The following GALNTL6 variants were observed in gnomAD, a reference collection of about 807,000 sequenced individuals.
The protein encoded by GALNTL6 is polypeptide N-acetylgalactosaminyltransferase like 6.
In GALNTL6, 46 loss-of-function variants were observed where a neutral mutation model predicts 73.7. That is an observed-to-expected ratio of 0.62 (90% CI 0.49 to 0.80). The LOEUF (loss-of-function observed/expected upper bound fraction) is 0.80. Among genes scored for constraint, GALNTL6 ranks in the 30% least tolerant of loss-of-function variants. The pLI is 0.00. For missense variants in GALNTL6, 604 were observed against 755.0 expected, an observed-to-expected ratio of 0.80 and a Z score of 2.34; for synonymous variants, 259 against 263.7, an observed-to-expected ratio of 0.98 and a Z score of 0.17.
At chr4:172,197,691 AG>A (rs1735817473) in intron 2 of GALNTL6, among the ~76,000 whole-genome samples, 1 of 152,210 alleles carries the variant, frequency 6.6e-6, no homozygotes, top group African/African-American at 2.4e-5. Context: ...AATGAGGAAA[AG>A]TTTCTCTATT....
chr4:172,973,112 G>T (rs750329596), intron 10 of GALNTL6, among the ~76,000 whole-genome samples: 13 of 152,146 alleles, frequency 8.5e-5, no homozygotes, highest in Admixed American at 3.3e-4. Flanking sequence ...TCAACATTTT[G>T]CAATTCCTGA....
Position 172,121,257 on chromosome 4 carries a change from T to TTGTGTGTGTGTG in GALNTL6, c.139-108371_139-108360dup, listed in dbSNP as rs375731048. Among the ~76,000 whole-genome samples, 1,007 of 142,452 alleles carry TTGTGTGTGTGTG rather than the reference T, an allele frequency of 7.1e-3. 13 individuals carry two copies. The highest frequency in any genetic ancestry group is 0.019 in the South Asian group (79 of 4,102). 93.5% of individuals were successfully genotyped at this position (142,452 alleles called of 152,430 possible). On this transcript the variant is annotated intron_variant, in intron 2 of 12. Coordinates refer to ENST00000506823, the MANE Select transcript of GALNTL6 (RefSeq NM_001034845.3). ...GCTTGGCAGATGTTCTCAAGAAGCA[T>TTGTGTGTGTGTG]TGTGTGTGTGTGTGTGTGTGTGTGT...
intron 7 of GALNTL6, among the ~76,000 whole-genome samples, chr4:172,873,164 A>G (rs1745031544): frequency 6.6e-6 from 1 of 152,220 alleles, no homozygotes; most frequent in South Asian, 2.1e-4. Flanking sequence ...GAATCTTTAT[A>G]CAAAATTTTG....
At chr4:172,156,548 T>TATACTATATATATATATATATATATATA in intron 2 of GALNTL6, among the ~76,000 whole-genome samples, 2 of 64,526 alleles carry the variant, frequency 3.1e-5, no homozygotes, top group Middle Eastern at 0.013. Context: ...ATAATATATA[T>TATACTATATATATATATATATATATATA]ATATATATAT....
chr4:172,839,275 T>G (rs974787242), intron 7 of GALNTL6, among the ~76,000 whole-genome samples: 4 of 152,178 alleles, frequency 2.6e-5, no homozygotes, highest in African/African-American at 9.7e-5. Context: ...ATGTAAATAT[T>G]GAAGACTGAG....
At chr4:172,348,106 A>C (rs1741812907) in intron 4 of GALNTL6, among the ~76,000 whole-genome samples, 1 of 152,220 alleles carries the variant, frequency 6.6e-6, no homozygotes, top group African/African-American at 2.4e-5. Flanking sequence ...AAAACTGACT[A>C]ATTAAACATA....
At chr4:172,481,274 T>C (rs1733456539) in intron 5 of GALNTL6, among the ~76,000 whole-genome samples, 1 of 151,906 alleles carries the variant, frequency 6.6e-6, no homozygotes, top group South Asian at 2.1e-4. Flanking sequence ...GGTGGGTTTG[T>C]GGTCTCGCAG....
intron 10 of GALNTL6, among the ~76,000 whole-genome samples, chr4:172,953,702 A>C (rs1749573517): frequency 6.6e-6 from 1 of 152,198 alleles, no homozygotes; most frequent in South Asian, 2.1e-4. Flanking sequence ...TGAAGGAAAG[A>C]GTCAATCCTG....
chr4:172,507,388 T>C lies in GALNTL6; in HGVS notation c.553+158699T>C, dbSNP rs578195799. Among the ~76,000 whole-genome samples, 143 of 54,160 alleles carry C rather than the reference T, an allele frequency of 2.6e-3. 57 individuals carry two copies. The highest frequency in any genetic ancestry group is 6.2e-3 in the African/African-American group (134 of 21,594). The allele number at this position is 54,160 out of a possible 152,430, so 35.5% of individuals were successfully genotyped here. A position where few individuals can be genotyped will look rare whatever the true frequency, so the allele number is the denominator to read the frequency against. On this transcript the variant is annotated intron_variant, in intron 5 of 12. Transcript: ENST00000506823. ...GGCTAGCCTTTGGGAAGAATGAGAC[T>C]GGGAGGCAGAAGGGCAGAAGAAGGT...
rs879390398 is a variant in GALNTL6, at chr4:172,382,277, C to CT, written c.553+33601dup. On this transcript the variant is annotated intron_variant, in intron 5 of 12. Transcript: ENST00000506823. ...AGCCACCACGCCCAGCCAATATTGTCTTTTTTTTTTTTTAAGTTTGGTTAT... is the reference window on the plus strand; with the variant it reads ...AGCCACCACGCCCAGCCAATATTGTCTTTTTTTTTTTTTTAAGTTTGGTTAT... Among the ~76,000 whole-genome samples the CT allele has an allele frequency of 1.5e-3, 218 of 142,188 alleles. 1 individual carries two copies. Among genetic ancestry groups the CT allele is most frequent in the East Asian group, 5.5e-3 (27 of 4,878 alleles). 93.3% of individuals were successfully genotyped at this position (142,188 alleles called of 152,430 possible). A position where few individuals can be genotyped will look rare whatever the true frequency, so the allele number is the denominator to read the frequency against.
intron 12 of GALNTL6, among the ~76,000 whole-genome samples, chr4:173,022,090 A>AGAAGGAAAGAAGGAAGGAAGGAAAGAAG (rs1753028564): frequency 1.5e-5 from 1 of 66,204 alleles, no homozygotes; most frequent in African/African-American, 6.4e-5. Context: ...AAGGAAGGAA[A>AGAAGGAAAGAAGGAAGGAAGGAAAGAAG]GAAGGAAGGA....
intron 2 of GALNTL6, among the ~76,000 whole-genome samples, chr4:171,927,275 G>A (rs533409723): frequency 6.6e-6 from 1 of 152,098 alleles, no homozygotes; most frequent in Admixed American, 6.5e-5. Context: ...AAATTATATT[G>A]TTGGTGCTTT....
At chr4:172,916,757 C>T (rs1031739270) in intron 8 of GALNTL6, among the ~76,000 whole-genome samples, 3 of 146,408 alleles carry the variant, frequency 2.0e-5, no homozygotes, top group African/African-American at 7.8e-5. Context: ...AGGACACAAA[C>T]AAATGGAAGA....
At chr4:172,113,879 C>A (rs970256546) in intron 2 of GALNTL6, among the ~76,000 whole-genome samples, 1 of 151,930 alleles carries the variant, frequency 6.6e-6, no homozygotes, top group Non-Finnish European at 1.5e-5. Flanking sequence ...TGTTAAATGT[C>A]GAACTTTTTA....
chr4:172,689,003 A>G (rs1733101388), intron 5 of GALNTL6, among the ~76,000 whole-genome samples: 2 of 152,288 alleles, frequency 1.3e-5, no homozygotes, highest in East Asian at 1.9e-4. Flanking sequence ...TTTACACCAC[A>G]GAAATTAGCT....
chr4:172,476,270 A>G (rs1279253379), intron 5 of GALNTL6, among the ~76,000 whole-genome samples: 1 of 152,220 alleles, frequency 6.6e-6, no homozygotes, highest in African/African-American at 2.4e-5. Flanking sequence ...CTAACATGGC[A>G]GAAGGAGCAA....
intron 7 of GALNTL6, among the ~76,000 whole-genome samples, chr4:172,834,339 T>C (rs1742796416): frequency 6.6e-6 from 1 of 152,186 alleles, no homozygotes; most frequent in Admixed American, 6.5e-5. Context: ...AGAAGGTGTC[T>C]GCCCTATATG....
intron 5 of GALNTL6, among the ~76,000 whole-genome samples, chr4:172,434,660 A>G (rs575313532): frequency 6.6e-6 from 1 of 152,268 alleles, no homozygotes; most frequent in South Asian, 2.1e-4. Context: ...AGTAACACAA[A>G]GAAAACACAC....
intron 2 of GALNTL6, among the ~76,000 whole-genome samples, chr4:171,993,005 T>C (rs1474424283): frequency 6.6e-6 from 1 of 151,324 alleles, no homozygotes; most frequent in East Asian, 1.9e-4. Flanking sequence ...CTCTGACTCA[T>C]TGCAGTTTCT....
Sources: gnomAD v4.1 joint callset for allele counts (sites outside exome capture counted in the v4.1 genomes callset) on GRCh38, gnomAD v4.1.1 for gene constraint, MANE v1.5 for transcripts, NCBI Gene and HGNC (gene_info 2026-07-23, HGNC 2026-07-21) for gene names.